COG6: variants seen among roughly 807,000 people sequenced by gnomAD.
COG6 encodes the protein component of oligomeric golgi complex 6.
In COG6, 74 loss-of-function variants were observed where a neutral mutation model predicts 88.8. The ratio of observed to expected loss-of-function variants is 0.83; its 90% CI spans 0.69 to 1.01. The LOEUF (loss-of-function observed/expected upper bound fraction) is 1.01. Ranked by LOEUF, COG6 falls within the 50% of genes least tolerant of loss-of-function variation. The pLI, the probability that COG6 is intolerant of heterozygous loss-of-function variation, is 0.00. For synonymous variants in COG6, 286 were observed against 278.7 expected, an observed-to-expected ratio of 1.03 and a Z score of -0.26; for missense variants, 800 against 797.9, an observed-to-expected ratio of 1.00 and a Z score of -0.03.
At chr13:39,723,689 C>T (rs980137584) in intron 16 of COG6, among the ~76,000 whole-genome samples, 1 of 151,900 alleles carries the variant, frequency 6.6e-6, no homozygotes, top group East Asian at 1.9e-4. Flanking sequence ...TGGTAGAGTG[C>T]CCCACAGTAT....
At chr13:39,749,933 G>A (rs1313970832) in intron 18 of COG6, among the ~76,000 whole-genome samples, 3 of 152,138 alleles carry the variant, frequency 2.0e-5, no homozygotes, top group Non-Finnish European at 4.4e-5. Flanking sequence ...TCTAACAACA[G>A]TGCCTAGGAT....
At chr13:39,679,783 A>T in intron 6 of COG6, 163 bp downstream of exon 6, 1 of 697,212 alleles carries the variant, frequency 1.4e-6, no homozygotes, top group Non-Finnish European at 2.6e-6. Context: ...GGTTTAGGCT[A>T]AAACAGCAGT....
rs5803006 is a variant in COG6, at chr13:39,694,955, G to GCACACA, written c.1166+260_1166+265dup. On this transcript the variant is annotated intron_variant, in intron 12 of 18. Coordinates refer to ENST00000455146, the MANE Select transcript of COG6 (RefSeq NM_020751.3). The stretch of plus-strand genomic sequence containing the variant: ...CTTTTTTCTCCAAGCTTAACTACAC[G>GCACACA]CACACACACACACACACACACACAC... Among the ~76,000 whole-genome samples the GCACACA allele has an allele frequency of 7.4e-3, 1,050 of 142,622 alleles. 10 individuals carry two copies. Among genetic ancestry groups the GCACACA allele is most frequent in the African/African-American group, 0.016 (610 of 38,496 alleles). 93.6% of individuals were successfully genotyped at this position (142,622 alleles called of 152,430 possible).
intron 18 of COG6, among the ~76,000 whole-genome samples, chr13:39,778,582 C>T (rs1030760069): frequency 6.6e-6 from 1 of 152,174 alleles, no homozygotes; most frequent in South Asian, 2.1e-4. Flanking sequence ...CTTGACTTTG[C>T]CACTTAGAAG....
At chr13:39,665,253 A>C (rs985334420) in intron 4 of COG6, 99 bp downstream of exon 4, 13 of 725,790 alleles carry the variant, frequency 1.8e-5, no homozygotes, top group African/African-American at 1.4e-4. Context: ...CAGAATAATA[A>C]AAAACATGGT....
At position 39,673,741 on chromosome 13, in the gene COG6, C is replaced by T. The variant is rs550874427; in HGVS notation, c.429-3727C>T. Among the ~76,000 whole-genome samples the T allele has an allele frequency of 3.3e-5, 5 of 151,564 alleles. No homozygotes were observed. The South Asian group carries it at 1.0e-3, about 32-fold the overall frequency. ...TAAGGAAAACTAAAATCATATATAACTCTACCACTCAGATAGAACCACAAT... is the reference window on the plus strand; with the variant it reads ...TAAGGAAAACTAAAATCATATATAATTCTACCACTCAGATAGAACCACAAT... On this transcript the variant is annotated intron_variant, in intron 4 of 18. Coordinates refer to ENST00000455146, the MANE Select transcript of COG6 (RefSeq NM_020751.3).
intron 15 of COG6, among the ~76,000 whole-genome samples, chr13:39,721,683 C>T (rs1878857828): frequency 6.6e-6 from 1 of 152,094 alleles, no homozygotes; most frequent in South Asian, 2.1e-4. Context: ...TGGTTTATCA[C>T]GTTTCTCCAA....
chr13:39,707,591 C>T (rs985090896), intron 13 of COG6, among the ~76,000 whole-genome samples: 7 of 152,212 alleles, frequency 4.6e-5, no homozygotes, highest in African/African-American at 1.7e-4. Flanking sequence ...TATCTAACCC[C>T]GGTGTAAACT....
chr13:39,772,460 C>T (rs554155559), intron 18 of COG6, among the ~76,000 whole-genome samples: 2 of 152,306 alleles, frequency 1.3e-5, no homozygotes, highest in South Asian at 4.1e-4. Flanking sequence ...TTTATTTCTT[C>T]AGCTCTCCAT....
At chr13:39,766,686 G>A (rs1390948006) in intron 18 of COG6, among the ~76,000 whole-genome samples, 3 of 152,112 alleles carry the variant, frequency 2.0e-5, no homozygotes, top group Non-Finnish European at 2.9e-5. Flanking sequence ...AATTCTTTCT[G>A]TGGGAACTTG....
intron 18 of COG6, among the ~76,000 whole-genome samples, chr13:39,745,285 A>G (rs1030538751): frequency 3.9e-5 from 6 of 152,176 alleles, no homozygotes; most frequent in African/African-American, 1.4e-4. Context: ...AAAAGAAACT[A>G]CCATCAGAGT....
chr13:39,752,738 A>G, downstream of COG6: 1 of 995,634 alleles, frequency 1.0e-6, no homozygotes, highest in South Asian at 2.5e-5. Context: ...AACTGAGGTA[A>G]TCAGTGAAAG....
intron 18 of COG6, among the ~76,000 whole-genome samples, chr13:39,768,477 A>T (rs1477442481): frequency 6.6e-6 from 1 of 152,180 alleles, no homozygotes; most frequent in Non-Finnish European, 1.5e-5. Flanking sequence ...AGGATTGTTT[A>T]TCCAGGGCTC....
intron 1 of COG6, chr13:39,656,721 A>T (rs1874533624): frequency 2.5e-6 from 1 of 392,720 alleles, no homozygotes; most frequent in African/African-American, 2.1e-5. Flanking sequence ...CAATGTAATG[A>T]ATAAGAAATT....
At chr13:39,682,667 C>A (rs1219348513) in intron 8 of COG6, among the ~76,000 whole-genome samples, 2 of 151,976 alleles carry the variant, frequency 1.3e-5, no homozygotes, top group South Asian at 4.1e-4. Flanking sequence ...TATTTAATAT[C>A]AAGGTAATCT....
chr13:39,701,839 G>A (rs1271158830), intron 13 of COG6, among the ~76,000 whole-genome samples: 2 of 151,828 alleles, frequency 1.3e-5, no homozygotes, highest in South Asian at 2.1e-4. Context: ...TGCATTAGGC[G>A]TTTGTATTAA....
chr13:39,684,243 A>AGTTTTTTTTTTT (rs1876491559), intron 8 of COG6, among the ~76,000 whole-genome samples: 4 of 67,382 alleles, frequency 5.9e-5, no homozygotes, highest in African/African-American at 1.3e-4. Flanking sequence ...AATTTGGAAG[A>AGTTTTTTTTTTT]TTTTTTTTTT....
intron 18 of COG6, among the ~76,000 whole-genome samples, chr13:39,784,660 A>T (rs1290983676): frequency 6.6e-6 from 1 of 152,220 alleles, no homozygotes; most frequent in Admixed American, 6.5e-5. Context: ...GTTCTCTTAG[A>T]TTCAAAGTTA....
intron 13 of COG6, among the ~76,000 whole-genome samples, chr13:39,708,410 A>G (rs1473024476): frequency 1.3e-5 from 2 of 152,112 alleles, no homozygotes; most frequent in Non-Finnish European, 1.5e-5. Flanking sequence ...ACAAGCTTTT[A>G]TTTCATGATT....
Sources: gnomAD v4.1 joint callset for allele counts (sites outside exome capture counted in the v4.1 genomes callset) on GRCh38, gnomAD v4.1.1 for gene constraint, MANE v1.5 for transcripts, NCBI Gene and HGNC (gene_info 2026-07-23, HGNC 2026-07-21) for gene names.